The following FHIT variants were observed in gnomAD, a reference collection of about 807,000 sequenced individuals.
FHIT encodes fragile histidine triad diadenosine triphosphatase.
FHIT carries 19 observed loss-of-function variants against 17.9 expected under a neutral mutation model. The ratio of observed to expected loss-of-function variants is 1.06; its 90% confidence interval spans 0.74 to 1.56. The LOEUF is 1.56. Among genes scored for constraint, FHIT ranks in the 40% most tolerant of loss-of-function variants. The pLI, the probability that FHIT is intolerant of heterozygous loss-of-function variation, is 0.00. For synonymous variants in FHIT, 81 were observed against 69.7 expected (o/e 1.16, Z -0.81); for missense variants, 248 against 189.2 (o/e 1.31, Z -1.82).
chr3:61,013,680 A>C (rs1336700735), intron 3 of FHIT, among the ~76,000 whole-genome samples: 1 of 152,200 alleles, frequency 6.6e-6, no homozygotes, highest in East Asian at 1.9e-4. Flanking sequence ...TCAGAGAAGG[A>C]GGTGGATAAT....
At chr3:59,923,623 A>G (rs1028014119) in intron 7 of FHIT, among the ~76,000 whole-genome samples, 1 of 152,136 alleles carries the variant, frequency 6.6e-6, no homozygotes, top group African/African-American at 2.4e-5. Context: ...CCCTTGAGCT[A>G]TGTTCCACTT....
At position 61,185,554 on chromosome 3, in the gene FHIT, T is replaced by A. The variant is rs141787325; in HGVS notation, c.-164+15063A>T. Among the ~76,000 whole-genome samples, 1,487 of 152,260 alleles carry A rather than the reference T, an allele frequency of 9.8e-3. 11 individuals carry two copies. Among genetic ancestry groups the A allele is most frequent in the Middle Eastern group, 0.02 (6 of 294 alleles). On this transcript the variant is annotated intron_variant, in intron 2 of 9. Coordinates refer to ENST00000492590, the MANE Select transcript of FHIT (RefSeq NM_002012.4). ...ATTCCAATCCATCCCAGCCTAAGGA[T>A]CCCATTCAGCAGCAGAGGTGCTTTT... is the stretch of plus-strand genomic sequence containing the variant.
intron 4 of FHIT, among the ~76,000 whole-genome samples, chr3:60,779,460 G>T (rs114674455): frequency 1.3e-5 from 2 of 152,208 alleles, no homozygotes; most frequent in Admixed American, 6.5e-5. Flanking sequence ...AATAAATAGG[G>T]TGCCCATTAC....
intron 8 of FHIT, among the ~76,000 whole-genome samples, chr3:59,768,770 C>G (rs2106820532): frequency 6.6e-6 from 1 of 152,360 alleles, no homozygotes; most frequent in South Asian, 2.1e-4. Context: ...TACCCATCCT[C>G]AGTCCTCAAA....
intron 5 of FHIT, among the ~76,000 whole-genome samples, chr3:60,531,102 C>T (rs1430887732): frequency 6.6e-6 from 1 of 152,150 alleles, no homozygotes; most frequent in African/African-American, 2.4e-5. Flanking sequence ...TGTCTTTGAA[C>T]ATTTCTCCTC....
chr3:60,234,910 C>T (rs566701011), intron 5 of FHIT, among the ~76,000 whole-genome samples: 1 of 152,132 alleles, frequency 6.6e-6, no homozygotes, highest in Non-Finnish European at 1.5e-5. Flanking sequence ...TTTAGTATCA[C>T]ATTCGAGGAT....
intron 3 of FHIT, among the ~76,000 whole-genome samples, chr3:60,892,909 G>T (rs1553761008): frequency 6.6e-6 from 1 of 152,152 alleles, no homozygotes; most frequent in Non-Finnish European, 1.5e-5. Context: ...AGCTTTAACT[G>T]CATAGTGGAG....
intron 4 of FHIT, among the ~76,000 whole-genome samples, chr3:60,594,298 C>T (rs903692474): frequency 6.6e-6 from 1 of 152,092 alleles, no homozygotes; most frequent in Admixed American, 6.5e-5. Flanking sequence ...GCGAACACAA[C>T]CATTGTAACT....
Position 60,182,895 on chromosome 3 carries a change from CA to C in FHIT, c.104-168744del, listed in dbSNP as rs1341400642. Among the ~76,000 whole-genome samples, 42 of 132,910 alleles carry C rather than the reference CA, an allele frequency of 3.2e-4. No homozygotes were observed. In the East Asian group the frequency reaches 4.7e-3, roughly 15 times the overall value. 87.2% of individuals were successfully genotyped at this position (132,910 alleles called of 152,430 possible). A position where few individuals can be genotyped will look rare whatever the true frequency, so the allele number is the denominator to read the frequency against. The stretch of plus-strand genomic sequence containing the variant: ...TGTGTAAAAAGCAGAAAAACAAAGT[CA>C]AAAAATAATGGAGGGTTAAAAAAAA... On this transcript the variant is annotated intron_variant, in intron 5 of 9. Transcript: ENST00000492590.
At chr3:60,452,292 T>C (rs976763240) in intron 5 of FHIT, among the ~76,000 whole-genome samples, 1 of 152,146 alleles carries the variant, frequency 6.6e-6, no homozygotes, top group Non-Finnish European at 1.5e-5. Context: ...AAGCGATTCA[T>C]ATGCTTTATC....
intron 7 of FHIT, among the ~76,000 whole-genome samples, chr3:59,952,956 G>T (rs1386746565): frequency 6.6e-6 from 1 of 151,740 alleles, no homozygotes; most frequent in African/African-American, 2.4e-5. Context: ...TAAATCTAGG[G>T]GTTCACTCCT....
chr3:60,843,215 C>G (rs894776679), intron 3 of FHIT, among the ~76,000 whole-genome samples: 1 of 152,100 alleles, frequency 6.6e-6, no homozygotes, highest in African/African-American at 2.4e-5. Context: ...AGAATTCTTT[C>G]TGACTTTGGG....
intron 5 of FHIT, among the ~76,000 whole-genome samples, chr3:60,108,165 G>C (rs1204161838): frequency 1.3e-5 from 2 of 152,182 alleles, no homozygotes; most frequent in Non-Finnish European, 2.9e-5. Context: ...TAAGTTAAAA[G>C]CTAATTCAAT....
At chr3:61,108,123 T>A (rs1397219514) in intron 2 of FHIT, among the ~76,000 whole-genome samples, 2 of 152,210 alleles carry the variant, frequency 1.3e-5, no homozygotes, top group Non-Finnish European at 2.9e-5. Flanking sequence ...TTAGGGATAT[T>A]AAGCATTTTT....
rs115993771 is a variant in FHIT, at chr3:60,768,488, A to T, written c.-18+53431T>A. Among the ~76,000 whole-genome samples, 1,381 of 152,336 alleles carry T rather than the reference A, an allele frequency of 9.1e-3. 18 individuals carry two copies. Among genetic ancestry groups the T allele is most frequent in the Non-Finnish European group, 0.01 (685 of 68,030 alleles). ...TTTAGTATCTACGGTGGCCAAATAC[A>T]GAGGTTTGCATGGGCTGACCAATAA... On this transcript the variant is annotated intron_variant, in intron 4 of 9. Coordinates refer to ENST00000492590, the MANE Select transcript of FHIT (RefSeq NM_002012.4).
intron 4 of FHIT, among the ~76,000 whole-genome samples, chr3:60,696,886 G>A (rs536765033): frequency 2.6e-4 from 40 of 152,268 alleles, no homozygotes; most frequent in African/African-American, 9.6e-4. Context: ...CCAAGTTCTG[G>A]AAAATCAATG....
rs548526237 is a variant in FHIT, at chr3:61,016,076, A to C, written c.-111+25971T>G. Among the ~76,000 whole-genome samples, 7 of 152,314 alleles carry C rather than the reference A, an allele frequency of 4.6e-5. No homozygotes were observed. The South Asian group carries it at 1.4e-3, about 32-fold the overall frequency. ...GTGCCATGTGTACAGGCCACTTCCT[A>C]ACAGGCCCAAAGAGGATGTGTTTTC... On this transcript the variant is annotated intron_variant, in intron 3 of 9. Transcript: ENST00000492590.
At chr3:60,207,169 C>A (rs113320591) in intron 5 of FHIT, among the ~76,000 whole-genome samples, 3 of 149,556 alleles carry the variant, frequency 2.0e-5, no homozygotes, top group African/African-American at 7.4e-5. Context: ...TGTCAGTGTG[C>A]GTGTGTGTGT....
chr3:59,951,374 C>A (rs938164258), intron 7 of FHIT, among the ~76,000 whole-genome samples: 6 of 152,198 alleles, frequency 3.9e-5, no homozygotes, highest in Non-Finnish European at 4.4e-5. Flanking sequence ...TCAGGGTCAT[C>A]TGAGTTGACA....
Sources: allele counts gnomAD v4.1 joint callset (sites outside exome capture counted in the v4.1 genomes callset), GRCh38; gene constraint gnomAD v4.1.1; transcripts MANE v1.5; gene names NCBI Gene and HGNC (gene_info 2026-07-23, HGNC 2026-07-21).